EPPIN: variants seen among roughly 807,000 people sequenced by gnomAD.
EPPIN encodes the protein WAP four-disulfide core domain protein 7.
Under a neutral mutation model 18.8 loss-of-function variants are expected in EPPIN, and 14 were observed. The observed-to-expected ratio is 0.75, with a 90% confidence interval of 0.49 to 1.17. The LOEUF is 1.17. Ranked by LOEUF, EPPIN falls within the 50% of genes most tolerant of loss-of-function variation. EPPIN has a pLI of 0.00. For synonymous variants in EPPIN, 57 were observed against 54.8 expected, an observed-to-expected ratio of 1.04 and a Z score of -0.18; for missense variants, 143 against 154.2, an observed-to-expected ratio of 0.93 and a Z score of 0.39.
chr20:45,545,780 G>A lies in EPPIN; in HGVS notation c.92-10C>T, dbSNP rs1979802875. 6.2e-7 allele frequency: 1 copy of A among 1,613,756 alleles called. No individual in the cohort carries two copies. Among genetic ancestry groups the A allele is most frequent in the African/African-American group, 1.3e-5 (1 of 74,904 alleles). The stretch of plus-strand genomic sequence containing the variant: ...ATTTTGGGACATCTCCCTAGGGAAA[G>A]AGCGGTTTTACACCCGTGTGCCTTA... On this transcript the variant is annotated splice_polypyrimidine_tract_variant and intron_variant, in intron 1 of 3. Coordinates refer to ENST00000354280, the MANE Select transcript of EPPIN (RefSeq NM_020398.4).
intron 3 of EPPIN, 104 bp downstream of exon 3, chr20:45,542,596 C>G: frequency 5.3e-6 from 8 of 1,498,196 alleles, no homozygotes; most frequent in Non-Finnish European, 7.2e-6. Context: ...TCTGTCAGCA[C>G]CAGGTCTGCC....
At chr20:45,544,464 G>T (rs567488094) in intron 2 of EPPIN, 1 of 152,202 alleles carries the variant, frequency 6.6e-6, no homozygotes, top group East Asian at 1.9e-4. Flanking sequence ...AAAAAGGCTC[G>T]TAAAAACTGG....
chr20:45,546,016 A>G, intron 1 of EPPIN: 2 of 530,108 alleles, frequency 3.8e-6, no homozygotes, highest in Non-Finnish European at 6.5e-6. Flanking sequence ...GAATTTCTCA[A>G]CCACTGGTGA....
chr20:45,544,150 T>G (rs887075521), intron 2 of EPPIN: 1 of 152,150 alleles, frequency 6.6e-6, no homozygotes, highest in African/African-American at 2.4e-5. Flanking sequence ...GTACAGAACC[T>G]TATGGAACGT....
chr20:45,545,942 C>CA lies in EPPIN; in HGVS notation c.92-173dup, dbSNP rs923956058. 2.4e-5 allele frequency: 22 copies of CA among 935,018 alleles called. 1 individual carries two copies. Among genetic ancestry groups the CA allele is most frequent in the African/African-American group, 3.3e-5 (2 of 60,046 alleles). The allele number at this position is 935,018 out of a possible 1,614,324, so 57.9% of individuals were successfully genotyped here. ...CTCATTTCCCTACTGCCTACACCCC[C>CA]ACCACTCCCCAGTGACCTCTCCTCC... On this transcript the variant is annotated intron_variant, in intron 1 of 3. Coordinates refer to ENST00000354280, the MANE Select transcript of EPPIN (RefSeq NM_020398.4).
intron 1 of EPPIN, chr20:45,546,105 C>G (rs571451973): frequency 7.7e-6 from 3 of 389,390 alleles, no homozygotes; most frequent in South Asian, 1.1e-4. Flanking sequence ...AGGCCTCTTC[C>G]CATCAGAATC....
intron 3 of EPPIN, chr20:45,542,361 GT>G: frequency 1.4e-6 from 1 of 699,440 alleles, no homozygotes; most frequent in Non-Finnish European, 2.3e-6. Context: ...GCTTAGAAGG[GT>G]TGGTTGGTCA....
chr20:45,542,517 C>T, intron 3 of EPPIN, 183 bp downstream of exon 3: 1 of 877,318 alleles, frequency 1.1e-6, no homozygotes, highest in South Asian at 1.9e-5. Flanking sequence ...TCCTCAGTTC[C>T]TCATACTCAG....
intron 1 of EPPIN, 25 bp from the exon 2 acceptor site, chr20:45,545,795 C>T (rs748888888): frequency 1.1e-5 from 17 of 1,612,496 alleles, no homozygotes; most frequent in African/African-American, 2.7e-5. Context: ...GTTTTACACC[C>T]GTGTGCCTTA....
At chr20:45,543,147 C>A (rs989993922) in intron 2 of EPPIN, 1 of 334,816 alleles carries the variant, frequency 3.0e-6, no homozygotes, top group Non-Finnish European at 5.3e-6. Flanking sequence ...GACTGGTGTC[C>A]TTATACAAAC....
chr20:45,542,475 G>T, intron 3 of EPPIN: 1 of 671,366 alleles, frequency 1.5e-6, no homozygotes, highest in Non-Finnish European at 2.5e-6. Context: ...CCTCATACTT[G>T]CCAGCATTGA....
chr20:45,547,111 T>G (rs532420155), intron 1 of EPPIN, among the ~76,000 whole-genome samples, 156 bp downstream of exon 1: 12 of 152,280 alleles, frequency 7.9e-5, no homozygotes, highest in Non-Finnish European at 1.3e-4. Context: ...GAAGGAATCT[T>G]ACACAGGAGG....
intron 2 of EPPIN, chr20:45,543,116 G>T: frequency 2.1e-6 from 1 of 478,828 alleles, no homozygotes; most frequent in Non-Finnish European, 3.5e-6. Context: ...ACCAAAATAG[G>T]GTGGGCCCCT....
intron 3 of EPPIN, chr20:45,542,485 A>G: frequency 2.4e-5 from 17 of 703,718 alleles, no homozygotes; most frequent in Non-Finnish European, 3.5e-5. Flanking sequence ...GCCAGCATTG[A>G]TTACTTCTAC....
At position 45,541,196 on chromosome 20, in the gene EPPIN, T is replaced by C. The variant is rs1979572330; in HGVS notation, c.*948A>G. On this transcript the variant is annotated 3_prime_UTR_variant, in exon 4 of 4. Coordinates refer to ENST00000354280, the MANE Select transcript of EPPIN (RefSeq NM_020398.4). ...AAAGTAAATACCACATGTTCTCACT[T>C]GCAAGTGGGAGATGAACAATGAGAA... 1 of 151,952 alleles carries C rather than the reference T, an allele frequency of 6.6e-6. No individual in the cohort carries two copies. Among genetic ancestry groups the C allele is most frequent in the East Asian group, 1.9e-4 (1 of 5,168 alleles). 9.4% of individuals were successfully genotyped at this position (151,952 alleles called of 1,614,324 possible).
chr20:45,542,991 G>C (rs1979669606), intron 2 of EPPIN, 124 bp from the exon 3 acceptor site: 3 of 1,390,042 alleles, frequency 2.2e-6, no homozygotes, highest in Non-Finnish European at 2.9e-6. Context: ...TTATCACATG[G>C]CAGGAGCACA....
intron 1 of EPPIN, 37 bp downstream of exon 1, chr20:45,547,230 C>T: frequency 2.5e-6 from 4 of 1,612,824 alleles, no homozygotes; most frequent in Non-Finnish European, 2.5e-6. Context: ...CAGCAAACTC[C>T]CCTCTCTCTA....
At chr20:45,543,378 G>A (rs1459377598) in intron 2 of EPPIN, 1 of 152,764 alleles carries the variant, frequency 6.5e-6, no homozygotes, top group East Asian at 1.9e-4. Context: ...GGAACTGTGA[G>A]ACAATACATT....
intron 1 of EPPIN, 131 bp downstream of exon 1, chr20:45,547,134 ATC>A: frequency 1.6e-6 from 2 of 1,289,334 alleles, no homozygotes; most frequent in Non-Finnish European, 2.1e-6. Flanking sequence ...TCTTACAAAT[ATC>A]TCTCTCCTCT....
Sources: gnomAD v4.1 joint callset for allele counts (sites outside exome capture counted in the v4.1 genomes callset) on GRCh38, gnomAD v4.1.1 for gene constraint, MANE v1.5 for transcripts, NCBI Gene and HGNC (gene_info 2026-07-23, HGNC 2026-07-21) for gene names.